The following DLG2 variants were observed in gnomAD, a reference collection of about 807,000 sequenced individuals.
DLG2 encodes the protein discs large MAGUK scaffold protein 2.
In DLG2, 45 loss-of-function variants were observed where a neutral mutation model predicts 132.5. The observed-to-expected ratio is 0.34, with a 90% CI of 0.27 to 0.44. The LOEUF (loss-of-function observed/expected upper bound fraction) is 0.44. Among genes scored for constraint, DLG2 ranks in the 20% least tolerant of loss-of-function variants. DLG2 has a pLI of 1.00. For missense variants in DLG2, 1,045 were observed against 1,196.9 expected, an observed-to-expected ratio of 0.87 and a Z score of 1.87; for synonymous variants, 424 against 419.6, an observed-to-expected ratio of 1.01 and a Z score of -0.13.
At chr11:84,279,798 G>A (rs1225581122) in intron 7 of DLG2, among the ~76,000 whole-genome samples, 2 of 152,134 alleles carry the variant, frequency 1.3e-5, no homozygotes, top group East Asian at 3.9e-4. Context: ...TCACACACTG[G>A]GGCCTGTTGT....
At chr11:84,552,726 GT>G (rs1412848240) in intron 6 of DLG2, among the ~76,000 whole-genome samples, 1 of 152,168 alleles carries the variant, frequency 6.6e-6, no homozygotes, top group African/African-American at 2.4e-5. Context: ...CCTAATAAAT[GT>G]TTGTTAAGTG....
At chr11:85,519,770 G>A (rs186963961) in intron 3 of DLG2, among the ~76,000 whole-genome samples, 133 of 152,238 alleles carry the variant, frequency 8.7e-4, no homozygotes, top group African/African-American at 3.1e-3. Flanking sequence ...GAAGGGGCCT[G>A]GTGGGAGGTA....
intron 7 of DLG2, among the ~76,000 whole-genome samples, chr11:84,338,247 T>G (rs1448362014): frequency 6.6e-6 from 1 of 152,214 alleles, no homozygotes; most frequent in Non-Finnish European, 1.5e-5. Flanking sequence ...TAACATGCTC[T>G]CTTTTCTTTA....
chr11:84,246,242 T>C (rs1457605291), intron 8 of DLG2, among the ~76,000 whole-genome samples: 2 of 152,232 alleles, frequency 1.3e-5, no homozygotes, highest in Non-Finnish European at 2.9e-5. Flanking sequence ...AAGTTGCAAA[T>C]TGCTTTCTAT....
chr11:84,893,500 T>C (rs1601058254), intron 6 of DLG2, among the ~76,000 whole-genome samples: 1 of 152,132 alleles, frequency 6.6e-6, no homozygotes, highest in Non-Finnish European at 1.5e-5. Flanking sequence ...AGGTGGTTCT[T>C]AGCCCAGGAG....
chr11:85,148,423 T>C (rs2077003016), intron 5 of DLG2, among the ~76,000 whole-genome samples: 1 of 152,142 alleles, frequency 6.6e-6, no homozygotes, highest in Non-Finnish European at 1.5e-5. Context: ...CTATTGTTTG[T>C]TGCTTTTTAA....
chr11:83,876,264 T>C (rs1336679596), intron 15 of DLG2, among the ~76,000 whole-genome samples: 1 of 152,130 alleles, frequency 6.6e-6, no homozygotes, highest in African/African-American at 2.4e-5. Flanking sequence ...TAAGCATTTG[T>C]TAAATAAATA....
chr11:84,160,840 T>TA (rs2095531231), intron 9 of DLG2, among the ~76,000 whole-genome samples: 1 of 152,154 alleles, frequency 6.6e-6, no homozygotes, highest in Non-Finnish European at 1.5e-5. Context: ...GTAGACCTGG[T>TA]AGTAGGAAAA....
intron 7 of DLG2, among the ~76,000 whole-genome samples, chr11:84,320,599 C>T (rs1461774990): frequency 3.9e-5 from 6 of 152,168 alleles, no homozygotes; most frequent in Non-Finnish European, 8.8e-5. Context: ...GATCCAAGCA[C>T]ATTTCCTTCA....
At chr11:83,524,868 T>G (rs986918326) in intron 21 of DLG2, among the ~76,000 whole-genome samples, 1 of 152,182 alleles carries the variant, frequency 6.6e-6, no homozygotes, top group Non-Finnish European at 1.5e-5. Flanking sequence ...CGATATCTCT[T>G]TTAGAAACTG....
chr11:85,365,307 AT>A (rs2084457499), intron 3 of DLG2, among the ~76,000 whole-genome samples: 1 of 152,194 alleles, frequency 6.6e-6, no homozygotes, highest in Admixed American at 6.5e-5. Flanking sequence ...ACATGCCTAT[AT>A]ATAATTTATG....
chr11:85,472,779 A>G (rs573323373), intron 3 of DLG2, among the ~76,000 whole-genome samples: 1 of 152,354 alleles, frequency 6.6e-6, no homozygotes, highest in East Asian at 1.9e-4. Context: ...CACCCCATGC[A>G]ACAGGAAACA....
intron 18 of DLG2, among the ~76,000 whole-genome samples, chr11:83,640,315 A>G (rs936644059): frequency 1.3e-4 from 20 of 152,192 alleles, no homozygotes; most frequent in Admixed American, 1.2e-3. Context: ...ACAACTTCCA[A>G]TATGGCTGGG....
intron 18 of DLG2, among the ~76,000 whole-genome samples, chr11:83,743,262 C>A (rs2092662922): frequency 6.6e-6 from 1 of 152,044 alleles, no homozygotes; most frequent in African/African-American, 2.4e-5. Context: ...TTGTCTCTTC[C>A]TTTTTCCTAA....
intron 6 of DLG2, among the ~76,000 whole-genome samples, chr11:84,946,321 G>C (rs1017360663): frequency 1.3e-5 from 2 of 151,992 alleles, no homozygotes; most frequent in African/African-American, 4.8e-5. Context: ...GGATGCTCTG[G>C]GTCACACCTG....
At chr11:84,702,324 A>C (rs1333974469) in intron 6 of DLG2, among the ~76,000 whole-genome samples, 2 of 151,538 alleles carry the variant, frequency 1.3e-5, no homozygotes, top group African/African-American at 4.8e-5. Flanking sequence ...GCTTTACTCT[A>C]ATGTACTTAG....
intron 6 of DLG2, among the ~76,000 whole-genome samples, chr11:85,096,887 A>T (rs1425490980): frequency 6.6e-6 from 1 of 152,108 alleles, no homozygotes; most frequent in Non-Finnish European, 1.5e-5. Flanking sequence ...AGGGCTCTCT[A>T]ACAACCCCTG....
At chr11:85,559,753 G>A (rs866047325) in intron 3 of DLG2, among the ~76,000 whole-genome samples, 4 of 151,298 alleles carry the variant, frequency 2.6e-5, no homozygotes, top group Non-Finnish European at 5.9e-5. Flanking sequence ...ACAAAAAAGC[G>A]AGGTATCTTA....
intron 7 of DLG2, chr11:84,317,396 C>T (rs2098371963): frequency 7.5e-6 from 10 of 1,341,710 alleles, no homozygotes; most frequent in Non-Finnish European, 9.6e-6. Context: ...TTGACAGTAT[C>T]CCTGCTCTAG....
Sources: gnomAD v4.1 joint callset for allele counts (sites outside exome capture counted in the v4.1 genomes callset) on GRCh38, gnomAD v4.1.1 for gene constraint, MANE v1.5 for transcripts, NCBI Gene and HGNC (gene_info 2026-07-23, HGNC 2026-07-21) for gene names.